STT3B: variants seen among roughly 807,000 people sequenced by gnomAD.
The protein encoded by STT3B is STT3 oligosaccharyltransferase complex catalytic subunit B.
A neutral mutation model predicts 96.8 loss-of-function variants in STT3B; 29 were observed. The observed-to-expected ratio is 0.30, with a 90% CI of 0.22 to 0.41. The LOEUF (loss-of-function observed/expected upper bound fraction) is 0.41. STT3B is among the 10% of genes least tolerant of loss of function. The pLI is 1.00. For synonymous variants in STT3B, 367 were observed against 360.0 expected, an observed-to-expected ratio of 1.02 and a Z score of -0.22; for missense variants, 640 against 1,022.3, an observed-to-expected ratio of 0.63 and a Z score of 5.10.
At position 31,600,997 on chromosome 3, in the gene STT3B, G is replaced by A. The variant is rs572270629; in HGVS notation, c.877+538G>A. Among the ~76,000 whole-genome samples, 5 of 152,186 alleles carry A rather than the reference G, an allele frequency of 3.3e-5. No homozygotes were observed. The East Asian group carries it at 7.7e-4, about 24-fold the overall frequency. ...TCCATGATAGAGTTAGAACTTCTAT[G>A]GGTTGAAGGAACTAGAGAGCAATTG... On this transcript the variant is annotated intron_variant, in intron 5 of 15. Transcript: ENST00000295770.
At chr3:31,631,965 C>T (rs1425580868) in intron 14 of STT3B, among the ~76,000 whole-genome samples, 1 of 152,026 alleles carries the variant, frequency 6.6e-6, no homozygotes, top group Admixed American at 6.5e-5. Context: ...AGTTGATCCT[C>T]CCACCTCAGC....
At chr3:31,571,328 T>C (rs1420485932) in intron 1 of STT3B, among the ~76,000 whole-genome samples, 2 of 147,002 alleles carry the variant, frequency 1.4e-5, no homozygotes, top group African/African-American at 5.0e-5. Context: ...GAGAAGCAAA[T>C]AAGCCAGTTA....
intron 5 of STT3B, among the ~76,000 whole-genome samples, chr3:31,609,154 G>A (rs1176457203): frequency 1.3e-5 from 2 of 151,996 alleles, no homozygotes; most frequent in Non-Finnish European, 1.5e-5. Context: ...GAACCAAAAC[G>A]TTTTTAGTGG....
chr3:31,575,908 C>T (rs1460947644), intron 1 of STT3B, among the ~76,000 whole-genome samples: 1 of 151,910 alleles, frequency 6.6e-6, no homozygotes, highest in Non-Finnish European at 1.5e-5. Context: ...CATTTTTTCT[C>T]ATTTGTCTCA....
chr3:31,547,748 G>A (rs207463087), intron 1 of STT3B, among the ~76,000 whole-genome samples: 1 of 152,166 alleles, frequency 6.6e-6, no homozygotes, highest in African/African-American at 2.4e-5. Context: ...GGATAAAACA[G>A]CCTGAACAAG....
At chr3:31,575,528 G>A (rs931534304) in intron 1 of STT3B, among the ~76,000 whole-genome samples, 1 of 151,934 alleles carries the variant, frequency 6.6e-6, no homozygotes, top group Non-Finnish European at 1.5e-5. Context: ...TACAAAGCTT[G>A]CATCTAGTGA....
chr3:31,583,702 A>T (rs1450647485), intron 3 of STT3B, among the ~76,000 whole-genome samples: 2 of 152,138 alleles, frequency 1.3e-5, no homozygotes, highest in East Asian at 1.9e-4. Flanking sequence ...TTTAATACAC[A>T]TTGGAAGTAA....
At chr3:31,573,439 A>G (rs911719115) in intron 1 of STT3B, among the ~76,000 whole-genome samples, 1 of 152,178 alleles carries the variant, frequency 6.6e-6, no homozygotes, top group Non-Finnish European at 1.5e-5. Flanking sequence ...CTTGGATTAC[A>G]GTGCTAGTAG....
At chr3:31,590,121 G>A (rs543329878) in intron 3 of STT3B, among the ~76,000 whole-genome samples, 17 of 151,684 alleles carry the variant, frequency 1.1e-4, no homozygotes, top group South Asian at 6.2e-4. Flanking sequence ...CTAATTTGTC[G>A]GCAGAAATTG....
At chr3:31,537,036 G>T (rs1175250744) in intron 1 of STT3B, among the ~76,000 whole-genome samples, 1 of 152,186 alleles carries the variant, frequency 6.6e-6, no homozygotes, top group African/African-American at 2.4e-5. Flanking sequence ...TATAAAGTGG[G>T]TTCTCCCTAG....
At chr3:31,588,159 A>G (rs1386250562) in intron 3 of STT3B, among the ~76,000 whole-genome samples, 1 of 152,084 alleles carries the variant, frequency 6.6e-6, no homozygotes, top group Non-Finnish European at 1.5e-5. Flanking sequence ...GAACCAAAAC[A>G]CAAGATGGCC....
chr3:31,600,499 G>T, intron 5 of STT3B, 40 bp downstream of exon 5: 1 of 906,218 alleles, frequency 1.1e-6, no homozygotes. Flanking sequence ...ACTAAGAGAT[G>T]TTTTGTATTC....
chr3:31,616,921 T>G lies in STT3B; in HGVS notation c.977-8T>G, dbSNP rs766567378. 6.3e-7 allele frequency: 1 copy of G among 1,588,922 alleles called. No homozygotes were observed. The highest frequency in any genetic ancestry group is 8.6e-7 in the Non-Finnish European group (1 of 1,165,998). ...TTTGTTGATTATGTGACCCTTTTCT[T>G]TAATTAGGTGTCTTTGCATTGCTGC... On this transcript the variant is annotated splice_polypyrimidine_tract_variant and splice_region_variant and intron_variant, in intron 6 of 15. Coordinates refer to ENST00000295770, the MANE Select transcript of STT3B (RefSeq NM_178862.3).
intron 1 of STT3B, 37 bp downstream of exon 1, chr3:31,533,349 G>T: frequency 6.9e-7 from 1 of 1,455,218 alleles, no homozygotes. Flanking sequence ...CCCGTGGCCC[G>T]CGGGGAACCG....
chr3:31,574,909 CT>C (rs1402372227), intron 1 of STT3B, among the ~76,000 whole-genome samples: 1 of 152,078 alleles, frequency 6.6e-6, no homozygotes, highest in Non-Finnish European at 1.5e-5. Flanking sequence ...AAGAACTAGA[CT>C]ACTTAAATTT....
At chr3:31,627,743 A>G (rs1699566310) in intron 13 of STT3B, among the ~76,000 whole-genome samples, 1 of 152,178 alleles carries the variant, frequency 6.6e-6, no homozygotes, top group South Asian at 2.1e-4. Context: ...TTCTCCCAGT[A>G]TGGTTTTTAT....
chr3:31,629,086 A>G (rs1319175872), intron 13 of STT3B, among the ~76,000 whole-genome samples: 1 of 152,146 alleles, frequency 6.6e-6, no homozygotes, highest in Middle Eastern at 3.2e-3. Context: ...AGCCTCGAGG[A>G]CAGAACGAGA....
intron 3 of STT3B, among the ~76,000 whole-genome samples, chr3:31,587,303 A>T (rs144114711): frequency 0.025 from 3,751 of 152,158 alleles, 61 homozygotes; most frequent in Non-Finnish European, 0.037. Flanking sequence ...TTCCATTTTC[A>T]CATCCCCCCA....
intron 3 of STT3B, among the ~76,000 whole-genome samples, chr3:31,591,302 A>G (rs1289556714): frequency 2.0e-5 from 3 of 152,028 alleles, no homozygotes; most frequent in Admixed American, 2.0e-4. Flanking sequence ...TCCATGGCTT[A>G]TCTTTTTCTG....
Sources: allele counts gnomAD v4.1 joint callset (sites outside exome capture counted in the v4.1 genomes callset), GRCh38; gene constraint gnomAD v4.1.1; transcripts MANE v1.5; gene names NCBI Gene and HGNC (gene_info 2026-07-23, HGNC 2026-07-21).